Variants in GRHL2 observed in about 807,000 individuals in gnomAD.
GRHL2 encodes grainyhead like transcription factor 2, also known as grainyhead-like protein 2 homolog.
Under a neutral mutation model 83.8 loss-of-function variants are expected in GRHL2, and 21 were observed. The ratio of observed to expected loss-of-function variants is 0.25; its 90% CI spans 0.18 to 0.36. The LOEUF (loss-of-function observed/expected upper bound fraction) is 0.36, where lower values mean the gene tolerates loss of function less well. Among genes scored for constraint, GRHL2 ranks in the 10% least tolerant of loss-of-function variants. The pLI, the probability that GRHL2 is intolerant of heterozygous loss-of-function variation, is 1.00. For missense variants in GRHL2, 623 were observed against 781.8 expected (o/e 0.80, Z 2.42); for synonymous variants, 280 against 278.9 (o/e 1.00, Z -0.04).
chr8:101,509,121 CCTT>C (rs1810401103), intron 1 of GRHL2, among the ~76,000 whole-genome samples: 3 of 60,806 alleles, frequency 4.9e-5, no homozygotes, highest in Admixed American at 1.3e-4. Context: ...TTCCTTCCTT[CCTT>C]CCTTCCTTCC....
At chr8:101,583,691 T>C (rs1185932832) in intron 7 of GRHL2, among the ~76,000 whole-genome samples, 1 of 152,216 alleles carries the variant, frequency 6.6e-6, no homozygotes, top group Non-Finnish European at 1.5e-5. Context: ...TAAAAAAAGT[T>C]AACTAGACTA....
intron 7 of GRHL2, among the ~76,000 whole-genome samples, chr8:101,589,030 A>G (rs1812224112): frequency 6.6e-6 from 1 of 152,200 alleles, no homozygotes; most frequent in Non-Finnish European, 1.5e-5. Context: ...ACTGCTGATT[A>G]ACCACTTTGG....
chr8:101,569,737 C>T (rs753607569), intron 4 of GRHL2, among the ~76,000 whole-genome samples: 53 of 152,270 alleles, frequency 3.5e-4, no homozygotes, highest in Non-Finnish European at 6.9e-4. Flanking sequence ...TCCCAAAGTG[C>T]GGGATTACAG....
intron 1 of GRHL2, among the ~76,000 whole-genome samples, chr8:101,524,221 A>T (rs1382803124): frequency 6.6e-6 from 1 of 152,228 alleles, no homozygotes; most frequent in African/African-American, 2.4e-5. Context: ...GAATTGTCAC[A>T]TCTAAAATTG....
intron 7 of GRHL2, among the ~76,000 whole-genome samples, chr8:101,594,871 A>G (rs1812359575): frequency 6.6e-6 from 1 of 152,216 alleles, no homozygotes; most frequent in Non-Finnish European, 1.5e-5. Context: ...TATAACATAT[A>G]TAACTAATGA....
At chr8:101,587,855 C>G (rs1159130261) in intron 7 of GRHL2, among the ~76,000 whole-genome samples, 2 of 152,210 alleles carry the variant, frequency 1.3e-5, no homozygotes, top group Non-Finnish European at 2.9e-5. Context: ...AAGTTTCTCT[C>G]CCTGTGGCCT....
At chr8:101,533,163 G>T (rs921203769) in intron 1 of GRHL2, among the ~76,000 whole-genome samples, 1 of 151,976 alleles carries the variant, frequency 6.6e-6, no homozygotes, top group Non-Finnish European at 1.5e-5. Context: ...AATTTGAAGG[G>T]GAGAGTTAAG....
intron 1 of GRHL2, among the ~76,000 whole-genome samples, chr8:101,506,925 C>G (rs553151958): frequency 9.3e-5 from 14 of 151,320 alleles, no homozygotes; most frequent in Non-Finnish European, 1.6e-4. Context: ...TTTAGTGAAG[C>G]TCTTGCTTTT....
intron 1 of GRHL2, among the ~76,000 whole-genome samples, chr8:101,531,469 T>C (rs2095696737): frequency 2.0e-5 from 3 of 152,134 alleles, no homozygotes; most frequent in African/African-American, 7.2e-5. Context: ...TATGATGGTA[T>C]TGTTGAAGAT....
intron 1 of GRHL2, among the ~76,000 whole-genome samples, chr8:101,533,414 A>C (rs1350139134): frequency 6.6e-6 from 1 of 152,230 alleles, no homozygotes; most frequent in East Asian, 1.9e-4. Context: ...GCTTTTATTC[A>C]TTCATTTAAC....
chr8:101,535,948 G>C (rs1811037489), intron 1 of GRHL2, among the ~76,000 whole-genome samples: 1 of 152,184 alleles, frequency 6.6e-6, no homozygotes, highest in South Asian at 2.1e-4. Flanking sequence ...AGCAAAGGGA[G>C]GCCCTGAAAG....
intron 1 of GRHL2, among the ~76,000 whole-genome samples, chr8:101,509,187 TTC>T (rs1554581592): frequency 4.7e-5 from 1 of 21,054 alleles, no homozygotes; most frequent in African/African-American, 8.1e-5. Flanking sequence ...TTTCTTTCTT[TTC>T]TCTCTTTCTT....
intron 8 of GRHL2, among the ~76,000 whole-genome samples, chr8:101,599,648 C>G (rs1484443515): frequency 6.6e-6 from 1 of 152,194 alleles, no homozygotes; most frequent in African/African-American, 2.4e-5. Flanking sequence ...TGACCTTCAG[C>G]CACTTGTTTA....
At chr8:101,599,006 A>G in intron 7 of GRHL2, 51 bp from the exon 8 acceptor site, 2 of 1,252,566 alleles carry the variant, frequency 1.6e-6, no homozygotes, top group Non-Finnish European at 2.3e-6. Context: ...AGTACATGTC[A>G]CTGAGTCACT....
At chr8:101,647,623 C>T (rs1435543701) in intron 13 of GRHL2, among the ~76,000 whole-genome samples, 1 of 152,098 alleles carries the variant, frequency 6.6e-6, no homozygotes, top group Non-Finnish European at 1.5e-5. Flanking sequence ...ATAAAATATT[C>T]CTTCCAAAGA....
At chr8:101,588,013 A>G (rs186629430) in intron 7 of GRHL2, among the ~76,000 whole-genome samples, 10 of 152,366 alleles carry the variant, frequency 6.6e-5, no homozygotes, top group Admixed American at 4.6e-4. Flanking sequence ...AAGCCAAAAT[A>G]AGGTAAAGCT....
chr8:101,559,010 T>C (rs548672500), intron 4 of GRHL2, among the ~76,000 whole-genome samples, 198 bp downstream of exon 4: 1 of 152,312 alleles, frequency 6.6e-6, no homozygotes, highest in East Asian at 1.9e-4. Context: ...TGTATGTGTA[T>C]GGAGGAATAT....
intron 7 of GRHL2, among the ~76,000 whole-genome samples, chr8:101,594,766 A>G (rs1812357247): frequency 6.6e-6 from 1 of 152,224 alleles, no homozygotes; most frequent in Admixed American, 6.5e-5. Flanking sequence ...GGATCCATCC[A>G]TTCATTCACT....
intron 1 of GRHL2, among the ~76,000 whole-genome samples, chr8:101,529,884 A>T (rs1217225233): frequency 6.6e-6 from 1 of 152,122 alleles, no homozygotes; most frequent in East Asian, 1.9e-4. Flanking sequence ...CCAGCAGGGT[A>T]AGCTGGGGGT....
Sources: allele counts gnomAD v4.1 joint callset (sites outside exome capture counted in the v4.1 genomes callset), GRCh38; gene constraint gnomAD v4.1.1; transcripts MANE v1.5; gene names NCBI Gene and HGNC (gene_info 2026-07-23, HGNC 2026-07-21).